SORCS3: variants seen among roughly 807,000 people sequenced by gnomAD.
SORCS3 encodes sortilin related VPS10 domain containing receptor 3.
In SORCS3, 57 loss-of-function variants were observed where a neutral mutation model predicts 146.3. The ratio of observed to expected loss-of-function variants is 0.39; its 90% CI spans 0.31 to 0.49. SORCS3 has a LOEUF of 0.49. Ranked by LOEUF, SORCS3 falls within the 20% of genes least tolerant of loss-of-function variation. The pLI is 0.92. For missense variants in SORCS3, 1,341 were observed against 1,575.5 expected (o/e 0.85, Z 2.52); for synonymous variants, 653 against 618.5 (o/e 1.06, Z -0.83).
chr10:104,759,651 C>A (rs762747652), intron 1 of SORCS3, among the ~76,000 whole-genome samples: 1 of 152,142 alleles, frequency 6.6e-6, no homozygotes, highest in East Asian at 1.9e-4. Flanking sequence ...GTTTCAGATC[C>A]GGCTCAGTCC....
chr10:104,642,580 G>C (rs1014942039), intron 1 of SORCS3, among the ~76,000 whole-genome samples: 1 of 152,048 alleles, frequency 6.6e-6, no homozygotes, highest in African/African-American at 2.4e-5. Context: ...TCCAGGGAGC[G>C]GCCCTGGAAA....
At chr10:105,224,049 T>G (rs1387772004) in intron 20 of SORCS3, among the ~76,000 whole-genome samples, 2 of 152,244 alleles carry the variant, frequency 1.3e-5, no homozygotes, top group African/African-American at 4.8e-5. Context: ...CACCAGAGTG[T>G]TACATTTGTT....
chr10:105,222,369 G>GCGCCCGGCCGCA (rs2056709249), intron 19 of SORCS3, among the ~76,000 whole-genome samples: 4 of 151,958 alleles, frequency 2.6e-5, no homozygotes, highest in Non-Finnish European at 4.4e-5. Context: ...CATTAACACT[G>GCGCCCGGCCGCA]TTTCATCAGC....
intron 20 of SORCS3, among the ~76,000 whole-genome samples, chr10:105,231,559 G>T (rs565433578): frequency 2.0e-5 from 3 of 152,182 alleles, no homozygotes; most frequent in Non-Finnish European, 4.4e-5. Context: ...ATGTTGAAAA[G>T]AAGTGGTGAG....
At chr10:105,074,190 C>G (rs894649487) in intron 5 of SORCS3, among the ~76,000 whole-genome samples, 1 of 152,208 alleles carries the variant, frequency 6.6e-6, no homozygotes, top group African/African-American at 2.4e-5. Context: ...CTTGTCCAGA[C>G]AAGCCTGCAC....
At chr10:105,228,502 C>A (rs1436811435) in intron 20 of SORCS3, among the ~76,000 whole-genome samples, 1 of 151,700 alleles carries the variant, frequency 6.6e-6, no homozygotes, top group Non-Finnish European at 1.5e-5. Flanking sequence ...TTCTCTTTCA[C>A]AGGATTTTCT....
chr10:104,669,493 A>G (rs2015825328), intron 1 of SORCS3, among the ~76,000 whole-genome samples: 1 of 152,232 alleles, frequency 6.6e-6, no homozygotes. Context: ...GGAATCATAT[A>G]GCATTTGCCT....
At chr10:104,708,000 A>G (rs944376786) in intron 1 of SORCS3, among the ~76,000 whole-genome samples, 1 of 152,232 alleles carries the variant, frequency 6.6e-6, no homozygotes, top group Non-Finnish European at 1.5e-5. Flanking sequence ...TCAGTGCAAT[A>G]TCTCTCAAGG....
At chr10:104,918,570 C>T (rs532430483) in intron 3 of SORCS3, among the ~76,000 whole-genome samples, 1 of 152,328 alleles carries the variant, frequency 6.6e-6, no homozygotes, top group South Asian at 2.1e-4. Flanking sequence ...GCCCTTCTCC[C>T]TTCTTGAGAA....
intron 4 of SORCS3, among the ~76,000 whole-genome samples, chr10:105,041,615 G>T (rs1480295689): frequency 6.6e-6 from 1 of 151,806 alleles, no homozygotes; most frequent in Non-Finnish European, 1.5e-5. Context: ...GAATTAAATT[G>T]AAATGAGTCA....
intron 2 of SORCS3, among the ~76,000 whole-genome samples, chr10:104,912,778 T>C (rs1213134888): frequency 6.6e-6 from 1 of 152,100 alleles, no homozygotes; most frequent in Admixed American, 6.5e-5. Flanking sequence ...AAGGAAGAGA[T>C]CCCAGAATAA....
In SORCS3 at chr10:104,791,308, G is replaced by C. The variant is rs74155036; in HGVS notation, c.628-51484G>C. The stretch of plus-strand genomic sequence containing the variant: ...CAGAGCCCTGTAAACAAACATATCA[G>C]TTGAAACTTAGCTTAAGTCAGTCCT... On this transcript the variant is annotated intron_variant, in intron 1 of 26. Transcript: ENST00000369701. Among the ~76,000 whole-genome samples, 579 of 152,328 alleles carry C rather than the reference G, an allele frequency of 3.8e-3. 3 individuals are homozygous for C. Among genetic ancestry groups the C allele is most frequent in the African/African-American group, 0.013 (528 of 41,568 alleles).
At chr10:104,665,811 A>G (rs572128955) in intron 1 of SORCS3, 1 of 152,332 alleles carries the variant, frequency 6.6e-6, no homozygotes, top group East Asian at 1.9e-4. Context: ...TTACTCTAAA[A>G]TGCATATGGG....
chr10:104,804,623 T>C (rs967277655), intron 1 of SORCS3, among the ~76,000 whole-genome samples: 2 of 152,232 alleles, frequency 1.3e-5, no homozygotes, highest in African/African-American at 2.4e-5. Context: ...CAGGGCATAG[T>C]GCAGTCCTGT....
At chr10:105,243,115 C>G (rs1589707096) in intron 20 of SORCS3, among the ~76,000 whole-genome samples, 2 of 139,192 alleles carry the variant, frequency 1.4e-5, no homozygotes, top group East Asian at 4.0e-4. Context: ...TTAGAGATAT[C>G]TCATTTTCTT....
At position 104,815,464 on chromosome 10, in the gene SORCS3, A is replaced by AG. The variant is rs1380243146; in HGVS notation, c.628-27328_628-27327insG. ...ACCCTGTCTCAAAAAAAAAAAAAAAAAAAAAAAGTCACCCACTGGGTATCT... is the reference window on the plus strand; with the variant it reads ...ACCCTGTCTCAAAAAAAAAAAAAAAAGAAAAAAAGTCACCCACTGGGTATCT... On this transcript the variant is annotated intron_variant, in intron 1 of 26. Coordinates refer to ENST00000369701, the MANE Select transcript of SORCS3 (RefSeq NM_014978.3). 3.4e-4 allele frequency among the ~76,000 whole-genome samples: 51 copies of AG among 151,714 alleles called. No individual in the cohort carries two copies. In the East Asian group the frequency reaches 7.4e-3, roughly 22 times the overall value.
At chr10:104,712,425 A>G (rs1478419706) in intron 1 of SORCS3, among the ~76,000 whole-genome samples, 1 of 152,242 alleles carries the variant, frequency 6.6e-6, no homozygotes, top group African/African-American at 2.4e-5. Context: ...GAGTGAAATC[A>G]AATGATTTCA....
At chr10:104,921,442 A>G (rs1282712162) in intron 3 of SORCS3, among the ~76,000 whole-genome samples, 1 of 152,024 alleles carries the variant, frequency 6.6e-6, no homozygotes, top group Non-Finnish European at 1.5e-5. Context: ...CACTGGTCTA[A>G]CAGCCAGAGA....
At chr10:104,863,973 T>A (rs980721964) in intron 2 of SORCS3, among the ~76,000 whole-genome samples, 1 of 152,176 alleles carries the variant, frequency 6.6e-6, no homozygotes, top group African/African-American at 2.4e-5. Flanking sequence ...AAGGGACATT[T>A]CCAGGAGATC....
Sources: gnomAD v4.1 joint callset for allele counts (sites outside exome capture counted in the v4.1 genomes callset) on GRCh38, gnomAD v4.1.1 for gene constraint, MANE v1.5 for transcripts, NCBI Gene and HGNC (gene_info 2026-07-23, HGNC 2026-07-21) for gene names.